METTL9: variants seen among roughly 807,000 people sequenced by gnomAD.
The protein encoded by METTL9 is methyltransferase 9, His-X-His N1(pi)-histidine.
Under a neutral mutation model 36.0 loss-of-function variants are expected in METTL9, and 10 were observed. The observed-to-expected ratio is 0.28, with a 90% CI of 0.17 to 0.47. The LOEUF (loss-of-function observed/expected upper bound fraction) is 0.47, where lower values mean the gene tolerates loss of function less well. METTL9 is among the 20% of genes least tolerant of loss of function. The pLI, the probability that METTL9 is intolerant of heterozygous loss-of-function variation, is 0.99. For synonymous variants in METTL9, 175 were observed against 149.7 expected (o/e 1.17, Z -1.23); for missense variants, 246 against 383.5 (o/e 0.64, Z 3.00).
At chr16:21,602,092 G>A (rs1345777658) in intron 1 of METTL9, among the ~76,000 whole-genome samples, 1 of 152,168 alleles carries the variant, frequency 6.6e-6, no homozygotes, top group Non-Finnish European at 1.5e-5. Context: ...AACTGTAACT[G>A]TTTTTCCTCC....
At chr16:21,654,218 AT>A (rs1036699745) in intron 4 of METTL9, 6 of 149,940 alleles carry the variant, frequency 4.0e-5, no homozygotes, top group Non-Finnish European at 5.9e-5. Flanking sequence ...ATTTTTTTGT[AT>A]TTTTTTTAGT....
chr16:21,656,646 A>G lies in METTL9; in HGVS notation c.*1214A>G, dbSNP rs1258144706. ...CAATATGAGATTGTGGTTATTAACAATATGTTATCCTCACTACTTTATTTC... is the reference window on the plus strand; with the variant it reads ...CAATATGAGATTGTGGTTATTAACAGTATGTTATCCTCACTACTTTATTTC... On this transcript the variant is annotated 3_prime_UTR_variant, in exon 5 of 5. Transcript: ENST00000358154. 1 of 152,186 alleles carries G rather than the reference A, an allele frequency of 6.6e-6. No individual in the cohort carries two copies. Among genetic ancestry groups the G allele is most frequent in the Non-Finnish European group, 1.5e-5 (1 of 68,026 alleles). The allele number at this position is 152,186 out of a possible 1,614,324, so 9.4% of individuals were successfully genotyped here.
At chr16:21,629,489 T>G (rs542976892) in intron 4 of METTL9, among the ~76,000 whole-genome samples, 7 of 152,316 alleles carry the variant, frequency 4.6e-5, no homozygotes, top group African/African-American at 1.7e-4. Context: ...GTTCTTGGTC[T>G]CTCTGACTTC....
At chr16:21,632,720 C>G (rs1387257360) in intron 4 of METTL9, among the ~76,000 whole-genome samples, 1 of 152,070 alleles carries the variant, frequency 6.6e-6, no homozygotes, top group African/African-American at 2.4e-5. Context: ...CAGTGAGATC[C>G]TTTCCTTGTA....
chr16:21,615,381 C>T (rs1050028058), intron 2 of METTL9, among the ~76,000 whole-genome samples: 5 of 152,118 alleles, frequency 3.3e-5, no homozygotes, highest in East Asian at 1.9e-4. Flanking sequence ...AGGCTCATGC[C>T]ACCGTGCCTG....
intron 4 of METTL9, among the ~76,000 whole-genome samples, chr16:21,632,846 A>G (rs753694264): frequency 3.0e-4 from 45 of 152,122 alleles, no homozygotes; most frequent in Non-Finnish European, 5.4e-4. Flanking sequence ...TTGTGGGGTC[A>G]TCCCACAAGT....
rs370199367 is a variant in METTL9, at chr16:21,648,455, TGCTA to T, written c.752-6771_752-6768del. On this transcript the variant is annotated intron_variant, in intron 4 of 4. Transcript: ENST00000358154. ...GAGCGATTGCTGCTGCAGCCGCCACTGCTACTGTTCCCACAGTGTCAGATGGCTG... is the reference window on the plus strand; with the variant it reads ...GAGCGATTGCTGCTGCAGCCGCCACTCTGTTCCCACAGTGTCAGATGGCTG... Among the ~76,000 whole-genome samples, 569 of 152,352 alleles carry T rather than the reference TGCTA, an allele frequency of 3.7e-3. 5 individuals are homozygous for T. Among genetic ancestry groups the T allele is most frequent in the African/African-American group, 0.013 (546 of 41,586 alleles).
intron 1 of METTL9, among the ~76,000 whole-genome samples, chr16:21,603,224 C>T (rs1224166635): frequency 2.0e-5 from 3 of 151,842 alleles, no homozygotes; most frequent in Non-Finnish European, 2.9e-5. Flanking sequence ...ACTGCATCCT[C>T]GACCTCCTGG....
At chr16:21,614,886 G>A (rs1356874099) in intron 2 of METTL9, among the ~76,000 whole-genome samples, 1 of 152,110 alleles carries the variant, frequency 6.6e-6, no homozygotes, top group African/African-American at 2.4e-5. Flanking sequence ...AAATTAGAGG[G>A]TCATATCTCT....
chr16:21,599,509 G>C, upstream of METTL9: 4 of 1,240,616 alleles, frequency 3.2e-6, no homozygotes, highest in Non-Finnish European at 4.0e-6. This position sits in a 1 kb window ranked among gnomAD's most constrained non-coding sequence, Gnocchi z 4.4. Flanking sequence ...GGAAACTGGT[G>C]CAGGGGGCAG....
Position 21,618,001 on chromosome 16 carries a change from C to T in METTL9, c.493C>T (p.Pro165Ser), listed in dbSNP as rs773039157. The T allele has an allele frequency of 2.5e-6, 4 of 1,612,152 alleles. No individual in the cohort carries two copies. Among genetic ancestry groups the T allele is most frequent in the East Asian group, 2.2e-5 (1 of 44,838 alleles). ...TGGAGAAGTCACAAAAATCATGAGC[C>T]CTCATTTTGAAGAAATCTATGCCAC... ...GDGEVTKIMS[P>S]HFEEIYATEL... The change falls in exon 3 of 5, where the codon CCT becomes TCT. Residue 165 changes from proline to serine, a missense_variant. By Grantham distance (74) the Pro-to-Ser change is moderately conservative. Transcript: ENST00000358154.
chr16:21,650,391 C>G (rs1414273351), intron 4 of METTL9, among the ~76,000 whole-genome samples: 1 of 151,712 alleles, frequency 6.6e-6, no homozygotes, highest in East Asian at 1.9e-4. Context: ...GCCTGTAATC[C>G]CAGCTACTTG....
At chr16:21,619,420 G>A (rs1173177531) in intron 3 of METTL9, among the ~76,000 whole-genome samples, 1 of 43,400 alleles carries the variant, frequency 2.3e-5, no homozygotes, top group East Asian at 7.9e-4. Context: ...AGACTAGGAA[G>A]AAGGGCCTTT....
intron 4 of METTL9, among the ~76,000 whole-genome samples, chr16:21,628,162 A>G (rs2141592115): frequency 6.6e-6 from 1 of 152,312 alleles, no homozygotes; most frequent in South Asian, 2.1e-4. Context: ...ACCAGCACAT[A>G]TGTCTCCACA....
At chr16:21,634,127 C>T (rs1472139042) in intron 4 of METTL9, among the ~76,000 whole-genome samples, 2 of 152,166 alleles carry the variant, frequency 1.3e-5, no homozygotes, top group Admixed American at 6.5e-5. Flanking sequence ...TACCTGGTTA[C>T]AGGCTGTCCC....
chr16:21,655,604 A>C lies in METTL9; in HGVS notation c.*172A>C. On this transcript the variant is annotated 3_prime_UTR_variant, in exon 5 of 5. Transcript: ENST00000358154. ...TTATTTCTTTGTAGTGTGTAAAGGA[A>C]TGTTTTTAAAAGACAAAAACCCAAC... is the stretch of plus-strand genomic sequence containing the variant. 1 of 602,556 alleles carries C rather than the reference A, an allele frequency of 1.7e-6. No homozygotes were observed. The highest frequency in any genetic ancestry group is 2.5e-5 in the South Asian group (1 of 39,460). 37.3% of individuals were successfully genotyped at this position (602,556 alleles called of 1,614,324 possible).
intron 4 of METTL9, among the ~76,000 whole-genome samples, chr16:21,626,062 C>T (rs1255621046): frequency 6.6e-6 from 1 of 152,048 alleles, no homozygotes; most frequent in African/African-American, 2.4e-5. Context: ...TGCCACTATG[C>T]CTGGCTAATT....
chr16:21,627,250 A>G, intron 4 of METTL9: 1 of 984,998 alleles, frequency 1.0e-6, no homozygotes, highest in Non-Finnish European at 1.2e-6. Context: ...TGAATGCTGG[A>G]CTGTTGGAGG....
intron 3 of METTL9, among the ~76,000 whole-genome samples, chr16:21,619,586 A>G (rs1306740233): frequency 7.4e-6 from 1 of 134,326 alleles, no homozygotes; most frequent in Non-Finnish European, 1.6e-5. Context: ...ATGCCCGGCT[A>G]ATTTTTTTTT....
Sources: allele counts gnomAD v4.1 joint callset (sites outside exome capture counted in the v4.1 genomes callset), GRCh38; gene constraint gnomAD v4.1.1; non-coding constraint Gnocchi (gnomAD v3.1); transcripts MANE v1.5; gene names NCBI Gene and HGNC (gene_info 2026-07-23, HGNC 2026-07-21).